HLA-DPA1: variants seen among roughly 807,000 people sequenced by gnomAD.
HLA-DPA1 encodes major histocompatibility complex, class II, DP alpha 1.
HLA-DPA1 carries 20 observed loss-of-function variants against 21.5 expected under a neutral mutation model. That is an observed-to-expected ratio of 0.93 (90% CI 0.66 to 1.35). HLA-DPA1 has a LOEUF of 1.35. Ranked by LOEUF, HLA-DPA1 falls within the 40% of genes most tolerant of loss-of-function variation. HLA-DPA1 has a pLI of 0.00. For synonymous variants in HLA-DPA1, 123 were observed against 129.6 expected (o/e 0.95, Z 0.35); for missense variants, 279 against 323.0 (o/e 0.86, Z 1.05).
intron 2 of HLA-DPA1, among the ~76,000 whole-genome samples, chr6:33,071,006 A>G (rs1475106300): frequency 6.6e-6 from 1 of 152,222 alleles, no homozygotes. Context: ...TGTGTATGTG[A>G]AAGTCTGGGT....
intron 1 of HLA-DPA1, among the ~76,000 whole-genome samples, chr6:33,075,142 AT>A (rs199715650): frequency 6.6e-6 from 1 of 152,014 alleles, no homozygotes; most frequent in African/African-American, 2.4e-5. Flanking sequence ...GTCTTTGATG[AT>A]TTTTTTTCAC....
Position 33,074,276 on chromosome 6 carries a change from G to A in HLA-DPA1, c.-99-607C>T, listed in dbSNP as rs1217034931. 2.6e-5 allele frequency among the ~76,000 whole-genome samples: 4 copies of A among 151,686 alleles called. No individual in the cohort carries two copies. The East Asian group carries it at 7.7e-4, about 29-fold the overall frequency. ...ATTTCTTAGTATTTGATTTTTCCTG[G>A]TATTTAAACAGTGTAATAACATTTT... On this transcript the variant is annotated intron_variant, in intron 1 of 5. Coordinates refer to ENST00000419277, the Ensembl canonical transcript of HLA-DPA1.
At chr6:33,078,305 C>T (rs2856819) in intron 1 of HLA-DPA1, among the ~76,000 whole-genome samples, 42,743 of 151,732 alleles carry the variant, frequency 0.28, 6,325 homozygotes, top group Admixed American at 0.38. Flanking sequence ...TCAATCAAAA[C>T]CTGCTGGAGG....
rs147547828 is a variant in HLA-DPA1 at position 33,072,099 on chromosome 6, T to G, written c.100+1372A>C. ...TAAAAGATGATAAGGAGGATCCAGG[T>G]AAACAGGAGAAAAATAAGGACAGGG... On this transcript the variant is annotated intron_variant, in intron 2 of 5. Transcript: ENST00000419277. Among the ~76,000 whole-genome samples, 542 of 152,238 alleles carry G rather than the reference T, an allele frequency of 3.6e-3. 3 individuals are homozygous for G. Among genetic ancestry groups the G allele is most frequent in the East Asian group, 0.026 (133 of 5,186 alleles).
chr6:33,069,540 C>T lies in HLA-DPA1; in HGVS notation c.346+101G>A, dbSNP rs540856718. 1,955 of 1,428,472 alleles carry T rather than the reference C, an allele frequency of 1.4e-3. 8 individuals carry two copies. The highest frequency in any genetic ancestry group is 1.7e-3 in the Non-Finnish European group (1,728 of 1,030,972). 88.5% of individuals were successfully genotyped at this position (1,428,472 alleles called of 1,614,324 possible). A position where few individuals can be genotyped will look rare whatever the true frequency, so the allele number is the denominator to read the frequency against. ...CATGGCCACTAGGGGAAGAGGATCA[C>T]ACAGCAGGGGGCACTTAGGCTTCCT... On this transcript the variant is annotated intron_variant, in intron 3 of 5. Transcript: ENST00000419277.
In HLA-DPA1 at chr6:33,069,253, G is replaced by A; in HGVS notation, c.394C>T (p.Gln132Ter). The change falls in exon 4 of 6, where the codon CAG becomes TAG. Residue 132 changes from glutamine (Q) to a stop codon, truncating the protein, a stop_gained. Coordinates refer to ENST00000419277, the Ensembl canonical transcript of HLA-DPA1. LOFTEE classifies it high-confidence loss of function. ...ATGTGGCAGATGAGGGTGTTGGGCT[G>A]GCCCAGCTCCACAGGCTCCTTGGGA... 1 of 1,612,966 alleles carries A rather than the reference G, an allele frequency of 6.2e-7. No homozygotes were observed. The highest frequency in any genetic ancestry group is 8.5e-7 in the Non-Finnish European group (1 of 1,179,958).
At chr6:33,079,463 A>G in intron 1 of HLA-DPA1, 1 of 274,322 alleles carries the variant, frequency 3.6e-6, no homozygotes, top group East Asian at 9.9e-5. Context: ...GGCCTCCCTC[A>G]GACTCCTCAT....
intron 2 of HLA-DPA1, among the ~76,000 whole-genome samples, chr6:33,071,031 G>A (rs1329723004): frequency 1.3e-5 from 2 of 152,178 alleles, no homozygotes; most frequent in Admixed American, 6.5e-5. Context: ...AATGATAAAT[G>A]CATCAGAGTG....
At chr6:33,067,667 T>C (rs1762028233) in intron 5 of HLA-DPA1, 1 of 152,200 alleles carries the variant, frequency 6.6e-6, no homozygotes, top group Admixed American at 6.5e-5. Context: ...ATGTACAAAA[T>C]TAGATCTATA....
intron 2 of HLA-DPA1, among the ~76,000 whole-genome samples, chr6:33,071,462 A>G (rs917362736): frequency 9.2e-5 from 14 of 152,234 alleles, no homozygotes; most frequent in Non-Finnish European, 1.8e-4. Context: ...TTTTTAAAAA[A>G]CACTTTCACA....
chr6:33,071,480 C>T lies in HLA-DPA1; in HGVS notation c.101-1594G>A, dbSNP rs906366158. 3.3e-3 allele frequency among the ~76,000 whole-genome samples: 507 copies of T among 152,280 alleles called. 2 individuals are homozygous for T. The highest frequency in any genetic ancestry group is 0.024 in the East Asian group (125 of 5,172). ...TTAAAAAACACTTTCACAAGTTCTGCAGTCCAAAGATCAGCCAGCTATGGA... is the reference window on the plus strand; with the variant it reads ...TTAAAAAACACTTTCACAAGTTCTGTAGTCCAAAGATCAGCCAGCTATGGA... On this transcript the variant is annotated intron_variant, in intron 2 of 5. Transcript: ENST00000419277.
chr6:33,080,441 C>A lies in HLA-DPA1; in HGVS notation c.-100+239G>T, dbSNP rs1297335790. On this transcript the variant is annotated intron_variant, in intron 1 of 5. Transcript: ENST00000419277. The surrounding 1 kb of genome is among the most constrained non-coding windows in gnomAD (Gnocchi z 4.3). ...CCCCTCCCTAGTGATCACTCAGTGC[C>A]CCTGAGCTCATTCTTTTCAGTAAAT... The A allele has an allele frequency of 2.8e-6, 2 of 711,208 alleles. No homozygotes were observed. The highest frequency in any genetic ancestry group is 5.2e-6 in the Non-Finnish European group (2 of 388,198). The allele number at this position is 711,208 out of a possible 1,614,324, so 44.1% of individuals were successfully genotyped here.
At chr6:33,079,680 A>C in intron 1 of HLA-DPA1, 1 of 490,904 alleles carries the variant, frequency 2.0e-6, no homozygotes, top group East Asian at 5.8e-5. Flanking sequence ...GGCTTCCAGA[A>C]GTTTCTGGTC....
intron 2 of HLA-DPA1, among the ~76,000 whole-genome samples, chr6:33,071,723 C>A (rs570881984): frequency 5.9e-5 from 9 of 152,110 alleles, no homozygotes; most frequent in Non-Finnish European, 1.0e-4. Flanking sequence ...ACACAAGATG[C>A]GACCAAACAG....
At chr6:33,078,114 C>T (rs7754299) in intron 1 of HLA-DPA1, among the ~76,000 whole-genome samples, 12,698 of 151,842 alleles carry the variant, frequency 0.084, 554 homozygotes, top group Middle Eastern at 0.17. Flanking sequence ...GTGTTGGGAG[C>T]CACCAAGGAA....
rs2308907 is a variant in HLA-DPA1 at position 33,069,842 on chromosome 6, G to T, written c.145C>A (p.Pro49Thr). 2,118 of 1,610,058 alleles carry T rather than the reference G, an allele frequency of 1.3e-3. 37 individuals carry two copies. In the East Asian group the frequency reaches 0.014, roughly 11 times the overall value. Residue 49 changes from proline (P) to threonine (T), a missense_variant, in exon 3 of 6, where the codon CCA (proline) becomes ACA (threonine). Physicochemically the swap from Pro to Thr is conservative, Grantham distance 38. Coordinates refer to ENST00000419277, the Ensembl canonical transcript of HLA-DPA1. Reference sequence around the variant, plus strand: ...AATTCAAACATAAACTCCCCTGTTGGTCTATGCGTCTGTACAAACGCGGCA... The same window carrying T: ...AATTCAAACATAAACTCCCCTGTTGTTCTATGCGTCTGTACAAACGCGGCA...
At position 33,069,015 on chromosome 6, in the gene HLA-DPA1, A is replaced by C. The variant is rs772240925; in HGVS notation, c.628+4T>G. The C allele has an allele frequency of 6.2e-7, 1 of 1,612,358 alleles. No homozygotes were observed. The highest frequency in any genetic ancestry group is 1.1e-5 in the South Asian group (1 of 91,064). ...AGATTATGGAGAGAAAAGCAGTTGC[A>C]TACCCCAGTGCTTGAGGAGCGGCTG... On this transcript the variant is annotated splice_donor_region_variant and intron_variant, in intron 4 of 5. Coordinates refer to ENST00000419277, the Ensembl canonical transcript of HLA-DPA1.
intron 1 of HLA-DPA1, chr6:33,076,265 T>A: frequency 1.5e-6 from 1 of 651,236 alleles, no homozygotes; most frequent in Non-Finnish European, 2.7e-6. Context: ...CAGTGTCCTC[T>A]CTTCCCAGCT....
At chr6:33,074,746 T>TA (rs1207881012) in intron 1 of HLA-DPA1, among the ~76,000 whole-genome samples, 1 of 152,200 alleles carries the variant, frequency 6.6e-6, no homozygotes, top group East Asian at 1.9e-4. Context: ...TATTAATGTC[T>TA]ACTGTAAAAA....
Sources: allele counts gnomAD v4.1 joint callset (sites outside exome capture counted in the v4.1 genomes callset), GRCh38; gene constraint gnomAD v4.1.1; non-coding constraint Gnocchi (gnomAD v3.1); transcripts MANE v1.5; gene names NCBI Gene and HGNC (gene_info 2026-07-23, HGNC 2026-07-21).